The following FARS2 variants were observed in gnomAD, a reference collection of about 807,000 sequenced individuals.
The protein encoded by FARS2 is phenylalanyl-tRNA synthetase 2, mitochondrial.
FARS2 carries 40 observed loss-of-function variants against 46.4 expected under a neutral mutation model. The observed-to-expected ratio is 0.86, with a 90% CI of 0.67 to 1.12. FARS2 has a LOEUF of 1.12. Ranked by LOEUF, FARS2 falls within the 50% of genes most tolerant of loss-of-function variation. FARS2 has a pLI of 0.00. For synonymous variants in FARS2, 234 were observed against 214.9 expected (o/e 1.09, Z -0.78); for missense variants, 513 against 567.9 (o/e 0.90, Z 0.98).
intron 1 of FARS2, among the ~76,000 whole-genome samples, chr6:5,364,178 G>A (rs1047931802): frequency 4.6e-5 from 7 of 151,854 alleles, no homozygotes; most frequent in Admixed American, 1.3e-4. Context: ...CATCTTACCC[G>A]TTACACACTG....
At chr6:5,321,111 T>TA (rs951023753) in intron 1 of FARS2, among the ~76,000 whole-genome samples, 5 of 152,144 alleles carry the variant, frequency 3.3e-5, no homozygotes, top group African/African-American at 1.2e-4. Context: ...ATCGAAGCAA[T>TA]AAAAAAAGTT....
At chr6:5,333,729 A>T (rs545184063) in intron 1 of FARS2, among the ~76,000 whole-genome samples, 126 of 152,168 alleles carry the variant, frequency 8.3e-4, no homozygotes, top group African/African-American at 3.0e-3. Flanking sequence ...CTCTTGTTTG[A>T]CTGGCCTGTT....
intron 1 of FARS2, among the ~76,000 whole-genome samples, chr6:5,287,963 G>A (rs1290883431): frequency 6.6e-6 from 1 of 152,086 alleles, no homozygotes; most frequent in Non-Finnish European, 1.5e-5. Context: ...GGTAGTGCAG[G>A]TATCTGTCAT....
intron 4 of FARS2, among the ~76,000 whole-genome samples, chr6:5,538,774 C>T (rs770790709): frequency 5.9e-5 from 9 of 152,258 alleles, no homozygotes; most frequent in Non-Finnish European, 8.8e-5. Context: ...GGAACCAAAA[C>T]AAAATGTTTT....
At chr6:5,271,305 C>T (rs143907627) in intron 1 of FARS2, among the ~76,000 whole-genome samples, 41 of 152,274 alleles carry the variant, frequency 2.7e-4, no homozygotes, top group African/African-American at 9.1e-4. Context: ...CAAGAGTGCT[C>T]AGCAGTCCTC....
At chr6:5,702,298 A>G (rs1358277038) in intron 6 of FARS2, among the ~76,000 whole-genome samples, 2 of 152,226 alleles carry the variant, frequency 1.3e-5, no homozygotes, top group African/African-American at 4.8e-5. Context: ...CCAGAAAGCG[A>G]AGTATTTCAA....
intron 4 of FARS2, among the ~76,000 whole-genome samples, chr6:5,520,341 C>T (rs1223732733): frequency 6.6e-6 from 1 of 152,126 alleles, no homozygotes; most frequent in Non-Finnish European, 1.5e-5. Context: ...TGGGAATAGC[C>T]ACATGTAGTT....
At chr6:5,579,892 G>A (rs2150577861) in intron 5 of FARS2, among the ~76,000 whole-genome samples, 1 of 152,026 alleles carries the variant, frequency 6.6e-6, no homozygotes, top group Non-Finnish European at 1.5e-5. Context: ...CTCACATTTG[G>A]ATCAGTTACT....
chr6:5,562,164 G>A lies in FARS2; in HGVS notation c.1065+16824G>A, dbSNP rs60586837. Among the ~76,000 whole-genome samples the A allele has an allele frequency of 5.3e-5, 8 of 151,746 alleles. No homozygotes were observed. The East Asian group carries it at 7.7e-4, about 15-fold the overall frequency. On this transcript the variant is annotated intron_variant, in intron 5 of 6. Transcript: ENST00000274680. Reference sequence around the variant, plus strand: ...GTGTTTCTTCATATTATAATTTTTCGATGTTTCAAAGTCTGACTTTGCAAG... The same window carrying A: ...GTGTTTCTTCATATTATAATTTTTCAATGTTTCAAAGTCTGACTTTGCAAG...
At chr6:5,352,019 TA>T (rs1310725369) in intron 1 of FARS2, among the ~76,000 whole-genome samples, 1 of 152,188 alleles carries the variant, frequency 6.6e-6, no homozygotes, top group Non-Finnish European at 1.5e-5. Flanking sequence ...GCCCTTCATT[TA>T]TATCAGGCTT....
chr6:5,331,474 TTTC>T (rs1171365038), intron 1 of FARS2, among the ~76,000 whole-genome samples: 1 of 152,186 alleles, frequency 6.6e-6, no homozygotes, highest in African/African-American at 2.4e-5. Context: ...TGGCTGGGAT[TTTC>T]TCCTATCTGA....
At chr6:5,657,376 C>G (rs1490934072) in intron 6 of FARS2, among the ~76,000 whole-genome samples, 2 of 152,220 alleles carry the variant, frequency 1.3e-5, no homozygotes, top group Admixed American at 1.3e-4. Context: ...ATCTCTTCCA[C>G]TGTGCTGCAC....
At chr6:5,607,045 C>G (rs1467373525) in intron 5 of FARS2, among the ~76,000 whole-genome samples, 1 of 152,008 alleles carries the variant, frequency 6.6e-6, no homozygotes, top group African/African-American at 2.4e-5. Context: ...AGCACTGTCC[C>G]CCAACAAAGA....
Position 5,685,042 on chromosome 6 carries a change from C to G in FARS2, c.1217+71722C>G, listed in dbSNP as rs536774947. The stretch of plus-strand genomic sequence containing the variant: ...ACCCTTGACCCTAAACACCGTGGAA[C>G]CCATGGAGGCTCATGATATCAGTGT... On this transcript the variant is annotated intron_variant, in intron 6 of 6. Coordinates refer to ENST00000274680, the MANE Select transcript of FARS2 (RefSeq NM_006567.5). Among the ~76,000 whole-genome samples, 88 of 152,256 alleles carry G rather than the reference C, an allele frequency of 5.8e-4. No homozygotes were observed. In the South Asian group the frequency reaches 0.017, roughly 29 times the overall value.
chr6:5,561,921 A>G (rs560194733), intron 5 of FARS2, among the ~76,000 whole-genome samples: 23 of 152,088 alleles, frequency 1.5e-4, no homozygotes, highest in African/African-American at 5.5e-4. Context: ...TAACTTAATA[A>G]TGTTTACTTT....
chr6:5,279,863 C>T (rs960640328), intron 1 of FARS2, among the ~76,000 whole-genome samples: 6 of 152,252 alleles, frequency 3.9e-5, no homozygotes, highest in South Asian at 4.1e-4. Flanking sequence ...GAGGGCAATC[C>T]GTTATACTTA....
chr6:5,529,045 T>C (rs574338568), intron 4 of FARS2, among the ~76,000 whole-genome samples: 3 of 152,290 alleles, frequency 2.0e-5, no homozygotes, highest in Non-Finnish European at 4.4e-5. Flanking sequence ...TTAGATCACT[T>C]TTAATAGAGT....
intron 6 of FARS2, among the ~76,000 whole-genome samples, chr6:5,663,921 G>A (rs1164327607): frequency 6.6e-6 from 1 of 152,200 alleles, no homozygotes; most frequent in Non-Finnish European, 1.5e-5. Flanking sequence ...CAGGCAGAAA[G>A]GATGGATGCA....
intron 6 of FARS2, among the ~76,000 whole-genome samples, chr6:5,707,358 C>T (rs150438039): frequency 3.2e-4 from 48 of 152,306 alleles, no homozygotes; most frequent in African/African-American, 1.1e-3. Flanking sequence ...TTTCACAAGC[C>T]GCTAAGCATC....
Sources: allele counts gnomAD v4.1 joint callset (sites outside exome capture counted in the v4.1 genomes callset), GRCh38; gene constraint gnomAD v4.1.1; transcripts MANE v1.5; gene names NCBI Gene and HGNC (gene_info 2026-07-23, HGNC 2026-07-21).